AGMO: variants seen among roughly 807,000 people sequenced by gnomAD.
The protein encoded by AGMO is alkylglycerol monooxygenase.
In AGMO, 75 loss-of-function variants were observed where a neutral mutation model predicts 60.2. The ratio of observed to expected loss-of-function variants is 1.25; its 90% confidence interval spans 1.03 to 1.51. The LOEUF (loss-of-function observed/expected upper bound fraction) is 1.51, where lower values mean the gene tolerates loss of function less well. Ranked by LOEUF, AGMO falls within the 40% of genes most tolerant of loss-of-function variation. The pLI, the probability that AGMO is intolerant of heterozygous loss-of-function variation, is 0.00. For synonymous variants in AGMO, 261 were observed against 177.1 expected, an observed-to-expected ratio of 1.47 and a Z score of -3.76; for missense variants, 763 against 525.5, an observed-to-expected ratio of 1.45 and a Z score of -4.42.
At chr7:15,326,345 G>A (rs1054203038) in intron 12 of AGMO, among the ~76,000 whole-genome samples, 9 of 152,138 alleles carry the variant, frequency 5.9e-5, no homozygotes, top group African/African-American at 7.2e-5. Flanking sequence ...GGGATGATAG[G>A]TGTTTTTTAG....
the AGMO span, among the ~76,000 whole-genome samples, chr7:15,133,369 G>GAC: frequency 2.1e-4 from 32 of 152,290 alleles, no homozygotes; most frequent in Middle Eastern, 3.4e-3. Flanking sequence ...AACAGGTGGA[G>GAC]ACAATAAAGG....
chr7:15,480,551 T>G (rs2128516942), intron 3 of AGMO, among the ~76,000 whole-genome samples: 1 of 152,282 alleles, frequency 6.6e-6, no homozygotes. Flanking sequence ...GGTGAGGGTT[T>G]TGTAAATTGT....
chr7:15,340,741 C>A (rs1012876770), intron 12 of AGMO, among the ~76,000 whole-genome samples: 3 of 152,184 alleles, frequency 2.0e-5, no homozygotes, highest in Admixed American at 1.3e-4. Context: ...ACCTGGTTGT[C>A]CAGGCAGAGG....
At chr7:15,241,297 A>G (rs1782579276) in intron 12 of AGMO, among the ~76,000 whole-genome samples, 1 of 151,240 alleles carries the variant, frequency 6.6e-6, no homozygotes, top group African/African-American at 2.4e-5. Context: ...CGTCTCTACT[A>G]AAAATACAAA....
At chr7:15,394,573 C>T (rs1487281167) in intron 5 of AGMO, among the ~76,000 whole-genome samples, 3 of 152,132 alleles carry the variant, frequency 2.0e-5, no homozygotes, top group Non-Finnish European at 4.4e-5. Context: ...TACTGTATTA[C>T]ACACCACTAT....
chr7:15,485,527 G>A (rs535005119), intron 3 of AGMO, among the ~76,000 whole-genome samples: 15 of 152,208 alleles, frequency 9.9e-5, no homozygotes, highest in African/African-American at 3.6e-4. Flanking sequence ...CTCTGGGGTG[G>A]TTAATGCTTT....
chr7:15,354,443 C>T lies in AGMO; in HGVS notation c.1263+11071G>A, dbSNP rs1160149225. Among the ~76,000 whole-genome samples, 97 of 18,862 alleles carry T rather than the reference C, an allele frequency of 5.1e-3. 8 individuals carry two copies. Among genetic ancestry groups the T allele is most frequent in the African/African-American group, 9.3e-3 (22 of 2,364 alleles). The allele number at this position is 18,862 out of a possible 152,430, so 12.4% of individuals were successfully genotyped here. ...GTATACACACACGTGTGTGTATACA[C>T]ACGTGTGTGTATACACACGTGTGTG... On this transcript the variant is annotated intron_variant, in intron 12 of 12. Coordinates refer to ENST00000342526, the MANE Select transcript of AGMO (RefSeq NM_001004320.2).
chr7:15,245,653 T>C (rs865925600), intron 12 of AGMO, among the ~76,000 whole-genome samples: 1 of 151,970 alleles, frequency 6.6e-6, no homozygotes, highest in African/African-American at 2.4e-5. Flanking sequence ...TGCCTAAAGT[T>C]ATGAACAATT....
In AGMO at chr7:15,406,119, A is replaced by G. The variant is rs1784678259; in HGVS notation, c.610-11940T>C. Among the ~76,000 whole-genome samples, 4 of 151,654 alleles carry G rather than the reference A, an allele frequency of 2.6e-5. No individual in the cohort carries two copies. In the Admixed American group the frequency reaches 2.6e-4, roughly 10 times the overall value. ...TTGGTTCTTTATTTTCTGTTGGGAA[A>G]GAGTCACTACAACCCAGCAGATTCT... is the stretch of plus-strand genomic sequence containing the variant. On this transcript the variant is annotated intron_variant, in intron 5 of 12. Transcript: ENST00000342526.
At chr7:15,312,979 G>T (rs1406067246) in intron 12 of AGMO, among the ~76,000 whole-genome samples, 2 of 152,152 alleles carry the variant, frequency 1.3e-5, no homozygotes, top group Non-Finnish European at 2.9e-5. Context: ...AAGAATTTCT[G>T]AATAATGAAT....
intron 12 of AGMO, among the ~76,000 whole-genome samples, chr7:15,238,252 T>C (rs904591173): frequency 6.6e-6 from 1 of 152,052 alleles, no homozygotes; most frequent in African/African-American, 2.4e-5. Context: ...TGTGTATTTT[T>C]AAAGAAAATA....
rs570594724 is a variant in AGMO, at chr7:15,231,458, C to A, written c.1264-30099G>T. On this transcript the variant is annotated intron_variant, in intron 12 of 12. Coordinates refer to ENST00000342526, the MANE Select transcript of AGMO (RefSeq NM_001004320.2). ...TGGCATCCCTCATATCATGAGCTTT[C>A]TTTGAAATTCCCTTTTGTATTTAAC... Among the ~76,000 whole-genome samples, 3 of 152,298 alleles carry A rather than the reference C, an allele frequency of 2.0e-5. No homozygotes were observed. In the East Asian group the frequency reaches 5.8e-4, roughly 29 times the overall value.
At chr7:15,212,242 TG>T (rs1354152425) in intron 12 of AGMO, among the ~76,000 whole-genome samples, 2 of 131,118 alleles carry the variant, frequency 1.5e-5, no homozygotes, top group African/African-American at 5.7e-5. Context: ...GTGTTAGGTG[TG>T]GAGTACACAC....
intron 10 of AGMO, among the ~76,000 whole-genome samples, chr7:15,374,746 G>T (rs1783378133): frequency 6.6e-6 from 1 of 152,064 alleles, no homozygotes; most frequent in Non-Finnish European, 1.5e-5. Flanking sequence ...AATACAGAGG[G>T]ACCCAGAGGA....
chr7:15,339,099 A>G (rs890790846), intron 12 of AGMO, among the ~76,000 whole-genome samples: 2 of 152,212 alleles, frequency 1.3e-5, no homozygotes, highest in African/African-American at 4.8e-5. Context: ...CTGCTCTTCT[A>G]TAGCTCTTTC....
At chr7:15,510,669 A>G (rs1306868932) in intron 3 of AGMO, among the ~76,000 whole-genome samples, 8 of 150,256 alleles carry the variant, frequency 5.3e-5, no homozygotes, top group Non-Finnish European at 1.0e-4. Context: ...TATTAACACT[A>G]TTTGAAATAA....
chr7:15,422,485 G>T (rs996487222), intron 4 of AGMO, among the ~76,000 whole-genome samples: 5 of 152,062 alleles, frequency 3.3e-5, no homozygotes, highest in African/African-American at 7.2e-5. Flanking sequence ...AAGAATGCAT[G>T]TTCACTTGTG....
chr7:15,517,781 T>C (rs1783860879), intron 3 of AGMO, among the ~76,000 whole-genome samples: 1 of 152,020 alleles, frequency 6.6e-6, no homozygotes, highest in South Asian at 2.1e-4. Context: ...TTTTCCTTTT[T>C]TTTTGTACCC....
chr7:15,418,467 C>G (rs1193812786), intron 5 of AGMO, 91 bp downstream of exon 5: 3 of 773,394 alleles, frequency 3.9e-6, no homozygotes, highest in Admixed American at 3.1e-5. Context: ...AAAGATTTTT[C>G]TTACACAATA....
Sources: gnomAD v4.1 joint callset for allele counts (sites outside exome capture counted in the v4.1 genomes callset) on GRCh38, gnomAD v4.1.1 for gene constraint, MANE v1.5 for transcripts, NCBI Gene and HGNC (gene_info 2026-07-23, HGNC 2026-07-21) for gene names.